RGL1: variants seen among roughly 807,000 people sequenced by gnomAD.
RGL1 encodes ral guanine nucleotide dissociation stimulator like 1.
A neutral mutation model predicts 95.2 loss-of-function variants in RGL1; 24 were observed. The observed-to-expected ratio is 0.25, with a 90% CI of 0.18 to 0.35. The LOEUF (loss-of-function observed/expected upper bound fraction) is 0.35. RGL1 is among the 10% of genes least tolerant of loss of function. RGL1 has a pLI of 1.00. For synonymous variants in RGL1, 329 were observed against 344.9 expected, an observed-to-expected ratio of 0.95 and a Z score of 0.51; for missense variants, 715 against 936.3, an observed-to-expected ratio of 0.76 and a Z score of 3.08.
chr1:183,806,309 A>G, intron 1 of RGL1, 66 bp from the exon 2 acceptor site: 6 of 1,235,644 alleles, frequency 4.9e-6, no homozygotes, highest in Non-Finnish European at 7.1e-6. Flanking sequence ...GGCAGCTGGG[A>G]TAGATTGTGG....
intron 2 of RGL1, among the ~76,000 whole-genome samples, chr1:183,820,630 A>T (rs1479503029): frequency 1.3e-5 from 2 of 152,152 alleles, no homozygotes; most frequent in Non-Finnish European, 2.9e-5. Context: ...TGTGCTGTTC[A>T]ATATGGTAAC....
chr1:183,821,863 C>T (rs1662513216), intron 2 of RGL1, among the ~76,000 whole-genome samples: 1 of 152,056 alleles, frequency 6.6e-6, no homozygotes, highest in Non-Finnish European at 1.5e-5. Context: ...GGATGATTTC[C>T]TAATGACCTT....
At chr1:183,916,820 G>T in intron 16 of RGL1, 119 bp downstream of exon 16, 1 of 1,153,320 alleles carries the variant, frequency 8.7e-7, no homozygotes, top group Non-Finnish European at 1.2e-6. Flanking sequence ...ATACATATAT[G>T]CATTCACACA....
chr1:183,864,159 A>G (rs1356641709), intron 3 of RGL1, among the ~76,000 whole-genome samples: 2 of 152,046 alleles, frequency 1.3e-5, no homozygotes, highest in East Asian at 3.9e-4. Context: ...AGTACAAACC[A>G]CTTTGAAAAA....
chr1:183,862,516 A>G (rs12119513), intron 3 of RGL1, among the ~76,000 whole-genome samples: 22,305 of 152,228 alleles, frequency 0.15, 2,238 homozygotes, highest in African/African-American at 0.27. Context: ...TTGCATTTTA[A>G]TAGTTTTTAC....
rs369732292 is a variant in RGL1, at chr1:183,645,931, T to A, written c.-33+9430T>A. Among the ~76,000 whole-genome samples, 24 of 152,384 alleles carry A rather than the reference T, an allele frequency of 1.6e-4. No homozygotes were observed. In the South Asian group the frequency reaches 5.0e-3, roughly 32 times the overall value. On this transcript the variant is annotated intron_variant, in intron 1 of 18. Transcript: ENST00000304685. ...AAGTTTAACTGCCAAAGGCACTTTC[T>A]TTCCTATAGTTCTGACAACTTCTCC...
chr1:183,911,961 A>G, intron 14 of RGL1, 121 bp from the exon 15 acceptor site: 1 of 798,682 alleles, frequency 1.3e-6, no homozygotes, highest in Non-Finnish European at 2.0e-6. Flanking sequence ...TCCTAAAATA[A>G]TAATGACAGA....
At chr1:183,838,490 C>T (rs1663817398) in intron 2 of RGL1, among the ~76,000 whole-genome samples, 1 of 152,176 alleles carries the variant, frequency 6.6e-6, no homozygotes, top group South Asian at 2.1e-4. Flanking sequence ...AGCCTGACCA[C>T]GTGGCTTCAT....
chr1:183,714,130 T>G (rs1655472486), intron 1 of RGL1, among the ~76,000 whole-genome samples: 1 of 152,226 alleles, frequency 6.6e-6, no homozygotes, highest in Admixed American at 6.5e-5. Flanking sequence ...AAATATTTTT[T>G]GAATGAACAC....
chr1:183,892,052 A>G (rs1667455355), intron 8 of RGL1, 25 bp from the exon 9 acceptor site: 3 of 1,575,848 alleles, frequency 1.9e-6, no homozygotes, highest in Non-Finnish European at 2.6e-6. Flanking sequence ...TTCATTGTTA[A>G]TATTTTCTTA....
chr1:183,900,218 C>G lies in RGL1; in HGVS notation c.1299C>G (p.Ala433=). 1 of 1,613,866 alleles carries G rather than the reference C, an allele frequency of 6.2e-7. No individual in the cohort carries two copies. Among genetic ancestry groups the G allele is most frequent in the Non-Finnish European group, 8.5e-7 (1 of 1,179,784 alleles). Residue 433 remains alanine, a synonymous_variant, in exon 11 of 18, where the codon GCC becomes GCG. Transcript: ENST00000360851. Reference sequence around the variant, plus strand: ...CTGACCTGACCATGCTTGACACTGCCCTTCAGGACTACATCGAGGTGAGTT... The same window carrying G: ...CTGACCTGACCATGCTTGACACTGCGCTTCAGGACTACATCGAGGTGAGTT... ...FLTDLTMLDT[A]LQDYIEGGLI... is the part of the protein sequence containing the mutation.
At chr1:183,648,543 T>G (rs1377235123) in intron 1 of RGL1, 3 of 1,614,116 alleles carry the variant, frequency 1.9e-6, no homozygotes, top group African/African-American at 1.3e-5. Flanking sequence ...ATGGCCCTTT[T>G]GCACCAGGCT....
chr1:183,706,373 A>T (rs1654914165), intron 1 of RGL1, among the ~76,000 whole-genome samples: 1 of 152,206 alleles, frequency 6.6e-6, no homozygotes, highest in Admixed American at 6.5e-5. Context: ...GGTATTAATT[A>T]AAAAACATAC....
intron 15 of RGL1, among the ~76,000 whole-genome samples, chr1:183,914,181 T>C (rs1266573982): frequency 1.3e-5 from 2 of 152,236 alleles, no homozygotes; most frequent in African/African-American, 2.4e-5. Flanking sequence ...AGGAAGGAGA[T>C]GGAATCACAG....
Position 183,851,488 on chromosome 1 carries a change from A to G in RGL1, c.347+3714A>G, listed in dbSNP as rs4504844. Reference sequence around the variant, plus strand: ...CTTTTTCTTTGAGAGGATCCCTCAGATTACATATGGCTTCAAATTACATAT... The same window carrying G: ...CTTTTTCTTTGAGAGGATCCCTCAGGTTACATATGGCTTCAAATTACATAT... On this transcript the variant is annotated intron_variant, in intron 3 of 17. Transcript: ENST00000360851. Among the ~76,000 whole-genome samples the G allele has an allele frequency of 3.1e-3, 478 of 152,284 alleles. 3 individuals carry two copies. Among genetic ancestry groups the G allele is most frequent in the African/African-American group, 0.01 (423 of 41,566 alleles).
chr1:183,758,767 C>T (rs1658498782), intron 2 of RGL1, among the ~76,000 whole-genome samples: 1 of 152,180 alleles, frequency 6.6e-6, no homozygotes, highest in Non-Finnish European at 1.5e-5. Flanking sequence ...CTGTTTTCAA[C>T]CTAACAAAGT....
chr1:183,753,399 G>A (rs1295545153), intron 2 of RGL1, among the ~76,000 whole-genome samples: 1 of 152,114 alleles, frequency 6.6e-6, no homozygotes, highest in Admixed American at 6.5e-5. Context: ...GTCAAGAACT[G>A]TGAAGGCTAT....
chr1:183,880,592 T>C (rs1666768098), intron 4 of RGL1, 24 bp from the exon 5 acceptor site: 2 of 1,610,794 alleles, frequency 1.2e-6, no homozygotes, highest in Admixed American at 3.3e-5. Context: ...TTGGGTGCAG[T>C]GACTCTCCAT....
At chr1:183,814,896 G>A (rs1415595109) in intron 2 of RGL1, among the ~76,000 whole-genome samples, 1 of 152,208 alleles carries the variant, frequency 6.6e-6, no homozygotes, top group African/African-American at 2.4e-5. Context: ...GAACATTTAA[G>A]TATGTAGGTA....
Sources: gnomAD v4.1 joint callset for allele counts (sites outside exome capture counted in the v4.1 genomes callset) on GRCh38, gnomAD v4.1.1 for gene constraint, MANE v1.5 for transcripts, NCBI Gene and HGNC (gene_info 2026-07-23, HGNC 2026-07-21) for gene names.